IAH1: variants seen among roughly 807,000 people sequenced by gnomAD.
IAH1 encodes isoamyl acetate-hydrolyzing esterase 1 homolog.
IAH1 carries 24 observed loss-of-function variants against 26.7 expected under a neutral mutation model. The observed-to-expected ratio is 0.90, with a 90% CI of 0.65 to 1.26. The LOEUF (loss-of-function observed/expected upper bound fraction) is 1.26, where lower values mean the gene tolerates loss of function less well. Ranked by LOEUF, IAH1 falls within the 50% of genes most tolerant of loss-of-function variation. IAH1 has a pLI of 0.00. For synonymous variants in IAH1, 140 were observed against 118.5 expected (o/e 1.18, Z -1.18); for missense variants, 300 against 299.9 (o/e 1.00, Z 0.00).
At chr2:9,497,683 A>G (rs933991212), downstream of IAH1, among the ~76,000 whole-genome samples, 2 of 152,174 alleles carry the variant, frequency 1.3e-5, no homozygotes, top group Non-Finnish European at 2.9e-5. Context: ...AGTTCCTTCA[A>G]TATTAACAGA....
intron 5 of IAH1, chr2:9,487,559 T>C (rs899511088): frequency 6.6e-6 from 1 of 152,152 alleles, no homozygotes; most frequent in African/African-American, 2.4e-5. Flanking sequence ...TGAGTGACTT[T>C]CATGAAACTC....
At chr2:9,474,544 G>A (rs1682357829), upstream of IAH1, 5 of 971,208 alleles carry the variant, frequency 5.1e-6, no homozygotes, top group Non-Finnish European at 7.4e-6. This position sits in a 1 kb window ranked among gnomAD's most constrained non-coding sequence, Gnocchi z 4.3. Flanking sequence ...TGGCGGCCCC[G>A]CCCCGCCCCG....
the IAH1 span, chr2:9,505,351 G>A: frequency 6.2e-7 from 1 of 1,613,904 alleles, no homozygotes; most frequent in South Asian, 1.1e-5. Context: ...ATTGTTTACT[G>A]CAGTTTGAAA....
chr2:9,490,137 A>G (rs1460464507), downstream of IAH1: 1 of 1,517,564 alleles, frequency 6.6e-7, no homozygotes, highest in East Asian at 2.3e-5. Flanking sequence ...AATCTATAAA[A>G]ATATTTTGCA....
Position 9,478,241 on chromosome 2 carries a change from C to T in IAH1, c.154C>T (p.Arg52Cys), listed in dbSNP as rs776782313. Residue 52 changes from arginine to cysteine, a missense_variant, in exon 3 of 6, where the codon CGT becomes TGT. Physicochemically the swap from Arg to Cys is radical, Grantham distance 180 (BLOSUM62 -3). Transcript: ENST00000497473. Reference protein sequence around the residue: ...RLVRKCDVLNRGFSGYNTRWA... With the variant: ...RLVRKCDVLNCGFSGYNTRWA... ...TTTCAGAAAATGTGATGTTCTGAAT[C>T]GTGGATTTTCAGGTTACAATACCAG... The T allele has an allele frequency of 9.9e-5, 159 of 1,606,414 alleles. No individual in the cohort carries two copies. The highest frequency in any genetic ancestry group is 1.7e-4 in the South Asian group (15 of 88,998).
chr2:9,511,232 T>G, the IAH1 span, among the ~76,000 whole-genome samples: 9 of 152,142 alleles, frequency 5.9e-5, no homozygotes, highest in Non-Finnish European at 1.3e-4. Flanking sequence ...GTTGATCGCC[T>G]GAGGTCAGGA....
downstream of IAH1, among the ~76,000 whole-genome samples, chr2:9,493,538 T>C (rs941290691): frequency 6.6e-6 from 1 of 152,196 alleles, no homozygotes; most frequent in African/African-American, 2.4e-5. Flanking sequence ...ATTTCCCTTG[T>C]CAGAAAATCT....
the IAH1 span, among the ~76,000 whole-genome samples, chr2:9,503,977 A>T: frequency 1.3e-5 from 2 of 151,676 alleles, no homozygotes; most frequent in African/African-American, 4.9e-5. Flanking sequence ...ACATGGCAAA[A>T]CCCCATCTCT....
intron 5 of IAH1, chr2:9,485,692 ATGG>A (rs1204511690): frequency 6.6e-6 from 1 of 151,612 alleles, no homozygotes; most frequent in Non-Finnish European, 1.5e-5. Context: ...GAACAGGTCC[ATGG>A]TGGCCAGAGG....
chr2:9,493,128 T>C, downstream of IAH1: 1 of 645,070 alleles, frequency 1.6e-6, no homozygotes, highest in Non-Finnish European at 2.6e-6. Context: ...CTGTGCTGCC[T>C]GTATTACACC....
the IAH1 span, among the ~76,000 whole-genome samples, chr2:9,504,036 G>A: frequency 1.3e-5 from 2 of 151,566 alleles, no homozygotes; most frequent in African/African-American, 2.4e-5. Flanking sequence ...CTGTAGTCCT[G>A]TCTATCCGGG....
At chr2:9,490,271 T>G, downstream of IAH1, 2 of 1,614,136 alleles carry the variant, frequency 1.2e-6, no homozygotes, top group Middle Eastern at 1.6e-4. Context: ...GTCCGTGAGA[T>G]CCTCAAATGA....
intron 3 of IAH1, among the ~76,000 whole-genome samples, chr2:9,479,391 T>A (rs554757876): frequency 6.6e-6 from 1 of 152,296 alleles, no homozygotes; most frequent in Non-Finnish European, 1.5e-5. Flanking sequence ...AAGGAAAATA[T>A]CTGCAAAATG....
At chr2:9,503,345 T>C in the IAH1 span, among the ~76,000 whole-genome samples, 1 of 152,178 alleles carries the variant, frequency 6.6e-6, no homozygotes, top group South Asian at 2.1e-4. Context: ...TCTATCAGTG[T>C]ATATAAAAAA....
chr2:9,491,961 C>A (rs1662186058), downstream of IAH1, among the ~76,000 whole-genome samples: 1 of 152,222 alleles, frequency 6.6e-6, no homozygotes, highest in Non-Finnish European at 1.5e-5. Context: ...AGACATCTGT[C>A]AAAGCTTCAA....
chr2:9,474,694 G>C lies in IAH1; in HGVS notation c.81+47G>C. ...GCCTCCCGCCCCGGCCTCCCTGCGG[G>C]GTCGCTGCCGAGCAGGCCGAGGCTC... On this transcript the variant is annotated intron_variant, in intron 1 of 5. Transcript: ENST00000497473. The surrounding 1 kb of genome is among the most constrained non-coding windows in gnomAD (Gnocchi z 4.3). The C allele has an allele frequency of 7.0e-7, 1 of 1,423,312 alleles. No homozygotes were observed. The highest frequency in any genetic ancestry group is 9.5e-7 in the Non-Finnish European group (1 of 1,054,162). The allele number at this position is 1,423,312 out of a possible 1,614,324, so 88.2% of individuals were successfully genotyped here.
downstream of IAH1, among the ~76,000 whole-genome samples, chr2:9,500,512 AAT>A (rs1256055509): frequency 6.6e-6 from 1 of 152,192 alleles, no homozygotes; most frequent in Non-Finnish European, 1.5e-5. Flanking sequence ...ATATACTAAA[AAT>A]CATTAAACTG....
In IAH1 at chr2:9,489,157, TTTGTTG is replaced by T. The variant is rs34423700; in HGVS notation, c.*840_*845del. 46 of 146,244 alleles carry T rather than the reference TTTGTTG, an allele frequency of 3.1e-4. No homozygotes were observed. The highest frequency in any genetic ancestry group is 9.5e-4 in the Admixed American group (14 of 14,712). 9.1% of individuals were successfully genotyped at this position (146,244 alleles called of 1,614,324 possible). ...ATCACATTCAAAACAACCTGTTTTT[TTTGTTG>T]TTGTTGTTGTTAAGAAATATCTCAC... On this transcript the variant is annotated 3_prime_UTR_variant, in exon 6 of 6. Transcript: ENST00000497473.
chr2:9,484,607 G>T, intron 5 of IAH1, 57 bp downstream of exon 5: 1 of 1,168,132 alleles, frequency 8.6e-7, no homozygotes, highest in South Asian at 1.2e-5. Flanking sequence ...AAGTAAACCA[G>T]GTGTGTGTGC....
Sources: gnomAD v4.1 joint callset for allele counts (sites outside exome capture counted in the v4.1 genomes callset) on GRCh38, gnomAD v4.1.1 for gene constraint, Gnocchi (gnomAD v3.1) non-coding constraint, MANE v1.5 for transcripts, NCBI Gene and HGNC (gene_info 2026-07-23, HGNC 2026-07-21) for gene names.